The following NSUN6 variants were observed in gnomAD, a reference collection of about 807,000 sequenced individuals.
NSUN6 encodes the protein NOP2/Sun RNA methyltransferase 6.
A neutral mutation model predicts 58.0 loss-of-function variants in NSUN6; 64 were observed. The ratio of observed to expected loss-of-function variants is 1.10; its 90% CI spans 0.90 to 1.36. The LOEUF is 1.36. Ranked by LOEUF, NSUN6 falls within the 40% of genes most tolerant of loss-of-function variation. The pLI is 0.00. For missense variants in NSUN6, 701 were observed against 550.1 expected, an observed-to-expected ratio of 1.27 and a Z score of -2.74; for synonymous variants, 231 against 193.9, an observed-to-expected ratio of 1.19 and a Z score of -1.59.
chr10:18,616,132 A>C (rs771579632), intron 4 of NSUN6, 52 bp downstream of exon 4: 25 of 1,026,562 alleles, frequency 2.4e-5, no homozygotes, highest in Non-Finnish European at 3.8e-5. Context: ...CCATTTGAAA[A>C]TGCACATAAA....
rs1160084167 is a variant in NSUN6, at chr10:18,548,217, T to A, written c.1092A>T (p.Pro364=). Residue 364 remains proline, a synonymous_variant, in exon 10 of 11, where the codon CCA becomes CCT. Coordinates refer to ENST00000377304, the MANE Select transcript of NSUN6 (RefSeq NM_182543.5). Reference sequence around the variant, plus strand: ...ACGTGCTATAAACCAGCACACCCTCTGGCTTCAGCAGCTGAACCGCCTAAA... The same window carrying A: ...ACGTGCTATAAACCAGCACACCCTCAGGCTTCAGCAGCTGAACCGCCTAAA... ...LFTAAVQLLK[P]EGVLVYSTCT... 3 of 1,613,120 alleles carry A rather than the reference T, an allele frequency of 1.9e-6. No individual in the cohort carries two copies. Among genetic ancestry groups the A allele is most frequent in the Admixed American group, 3.3e-5 (2 of 59,954 alleles).
At chr10:18,566,318 T>G (rs62648437) in intron 8 of NSUN6, among the ~76,000 whole-genome samples, 48,936 of 144,510 alleles carry the variant, frequency 0.34, 9,199 homozygotes, top group East Asian at 0.73. Flanking sequence ...TTCTTTTTCA[T>G]TCTATTCCAT....
At chr10:18,589,826 G>A (rs964815796) in intron 7 of NSUN6, among the ~76,000 whole-genome samples, 1 of 152,100 alleles carries the variant, frequency 6.6e-6, no homozygotes, top group East Asian at 1.9e-4. Context: ...AAAGACCAAC[G>A]ACACTATGAA....
intron 6 of NSUN6, among the ~76,000 whole-genome samples, chr10:18,608,234 T>A (rs1009774721): frequency 1.3e-5 from 2 of 152,192 alleles, no homozygotes; most frequent in Non-Finnish European, 2.9e-5. Context: ...CAATATTTCA[T>A]AAAGTCATCA....
chr10:18,631,187 T>C (rs1359370286), intron 3 of NSUN6, among the ~76,000 whole-genome samples: 2 of 152,096 alleles, frequency 1.3e-5, no homozygotes, highest in South Asian at 2.1e-4. Flanking sequence ...GAAAAGGCCT[T>C]TGACAAAATT....
intron 8 of NSUN6, among the ~76,000 whole-genome samples, chr10:18,555,014 CAGTGGAATGGAG>C (rs142768961): frequency 0.22 from 31,364 of 141,706 alleles, 3,576 homozygotes; most frequent in South Asian, 0.33. Flanking sequence ...GAATGGAATG[CAGTGGAATGGAG>C]AGTGGAATGG....
chr10:18,628,974 G>A (rs1388235494), intron 3 of NSUN6, among the ~76,000 whole-genome samples: 1 of 152,124 alleles, frequency 6.6e-6, no homozygotes, highest in East Asian at 1.9e-4. Flanking sequence ...AAGTTGAAAT[G>A]AAGGAAAAAA....
upstream of NSUN6, chr10:18,653,010 C>T (rs536963781): frequency 2.2e-4 from 212 of 985,122 alleles, no homozygotes; most frequent in Non-Finnish European, 2.4e-4. Context: ...TCAATAAATC[C>T]ATGAGATTCT....
In NSUN6 at chr10:18,601,805, C is replaced by T. The variant is rs578150568; in HGVS notation, c.658-5478G>A. On this transcript the variant is annotated intron_variant, in intron 6 of 10. Transcript: ENST00000377304. ...AGACCAACCTGGCCAACATGGTCCC[C>T]ATCTCTACTAAAAATACAAAAATTA... Among the ~76,000 whole-genome samples the T allele has an allele frequency of 2.2e-3, 340 of 151,970 alleles. 3 individuals are homozygous for T. Among genetic ancestry groups the T allele is most frequent in the African/African-American group, 7.8e-3 (322 of 41,506 alleles).
At chr10:18,565,835 C>CATTGTCCATTCCATTCT (rs2055886449) in intron 8 of NSUN6, among the ~76,000 whole-genome samples, 2 of 150,320 alleles carry the variant, frequency 1.3e-5, no homozygotes, top group South Asian at 4.2e-4. Context: ...CATTCCATTC[C>CATTGTCCATTCCATTCT]ATTGTCCATT....
At chr10:18,652,766 G>A (rs1446704173), upstream of NSUN6, 1 of 433,898 alleles carries the variant, frequency 2.3e-6, no homozygotes, top group Non-Finnish European at 3.1e-6. Context: ...CACCATGCTG[G>A]CCAGGCTGGT....
chr10:18,653,675 T>C (rs1263499618), upstream of NSUN6, among the ~76,000 whole-genome samples: 1 of 152,168 alleles, frequency 6.6e-6, no homozygotes, highest in African/African-American at 2.4e-5. Context: ...ACCCAGCCAT[T>C]TAGACTATTC....
At chr10:18,566,101 A>ATT in intron 8 of NSUN6, among the ~76,000 whole-genome samples, 1 of 145,666 alleles carries the variant, frequency 6.9e-6, no homozygotes, top group Admixed American at 6.9e-5. Flanking sequence ...ATTCCATTCC[A>ATT]CAATCCATTC....
chr10:18,600,927 C>CAA lies in NSUN6; in HGVS notation c.658-4602_658-4601dup, dbSNP rs1242151513. Among the ~76,000 whole-genome samples the CAA allele has an allele frequency of 3.0e-3, 131 of 43,730 alleles. 2 individuals carry two copies. Among genetic ancestry groups the CAA allele is most frequent in the East Asian group, 3.5e-3 (2 of 578 alleles). 28.7% of individuals were successfully genotyped at this position (43,730 alleles called of 152,430 possible). A position where few individuals can be genotyped will look rare whatever the true frequency, so the allele number is the denominator to read the frequency against. On this transcript the variant is annotated intron_variant, in intron 6 of 10. Transcript: ENST00000377304. ...TGAGTGAAAGAGCAAGACTCCATCTCAAAAAAAAAAAAAAATATATATATA... is the reference window on the plus strand; with the variant it reads ...TGAGTGAAAGAGCAAGACTCCATCTCAAAAAAAAAAAAAAAAATATATATATA...
chr10:18,635,996 G>C (rs2059202369), intron 3 of NSUN6, among the ~76,000 whole-genome samples: 1 of 151,290 alleles, frequency 6.6e-6, no homozygotes, highest in African/African-American at 2.4e-5. Context: ...AGGAGGAAAA[G>C]TTTTTGGTGG....
At chr10:18,555,016 G>A (rs1269018366) in intron 8 of NSUN6, among the ~76,000 whole-genome samples, 2 of 94,860 alleles carry the variant, frequency 2.1e-5, no homozygotes, top group African/African-American at 8.6e-5. Context: ...ATGGAATGCA[G>A]TGGAATGGAG....
At chr10:18,588,245 A>T (rs528974917) in intron 7 of NSUN6, among the ~76,000 whole-genome samples, 2 of 152,212 alleles carry the variant, frequency 1.3e-5, no homozygotes, top group African/African-American at 4.8e-5. Context: ...GCATCTCTGA[A>T]GGACAGGCAG....
rs1229730709 is a variant in NSUN6 at position 18,602,562 on chromosome 10, G to T, written c.658-6235C>A. Reference sequence around the variant, plus strand: ...TTTTTGTATTTTTAGTAGAGATGGTGTTTCACCATGTTGGCCAGGCTGGTC... The same window carrying T: ...TTTTTGTATTTTTAGTAGAGATGGTTTTTCACCATGTTGGCCAGGCTGGTC... On this transcript the variant is annotated intron_variant, in intron 6 of 10. Coordinates refer to ENST00000377304, the MANE Select transcript of NSUN6 (RefSeq NM_182543.5). 7.2e-5 allele frequency among the ~76,000 whole-genome samples: 10 copies of T among 138,574 alleles called. No individual in the cohort carries two copies. The East Asian group carries it at 4.5e-3, about 62-fold the overall frequency. The allele number at this position is 138,574 out of a possible 152,430, so 90.9% of individuals were successfully genotyped here.
intron 2 of NSUN6, among the ~76,000 whole-genome samples, chr10:18,643,293 A>C (rs967075525): frequency 1.3e-5 from 2 of 151,546 alleles, no homozygotes; most frequent in Non-Finnish European, 2.9e-5. Context: ...CAGAATAAAA[A>C]ACAGCTGCAT....
Sources: gnomAD v4.1 joint callset for allele counts (sites outside exome capture counted in the v4.1 genomes callset) on GRCh38, gnomAD v4.1.1 for gene constraint, MANE v1.5 for transcripts, NCBI Gene and HGNC (gene_info 2026-07-23, HGNC 2026-07-21) for gene names.